HOXB2: variants seen among roughly 807,000 people sequenced by gnomAD.
HOXB2 encodes homeobox B2, also known as homeobox protein Hox-B2.
A neutral mutation model predicts 13.1 loss-of-function variants in HOXB2; 14 were observed. That is an observed-to-expected ratio of 1.07 (90% CI 0.71 to 1.67). HOXB2 has a LOEUF of 1.67. HOXB2 is among the 40% of genes most tolerant of loss of function. The probability of loss-of-function intolerance (pLI) is 0.00; values close to 1 mark genes in which losing one functional copy is unlikely to be tolerated. For missense variants in HOXB2, 582 were observed against 488.3 expected (o/e 1.19, Z -1.81); for synonymous variants, 261 against 233.1 (o/e 1.12, Z -1.09).
chr17:48,543,764 C>G lies in HOXB2; in HGVS notation c.392-17G>C. The stretch of plus-strand genomic sequence containing the variant: ...CCAGGCCATCTGCAGGGAAAACAGG[C>G]TCGGCGTCATAGCGGGCCGTGTACT... On this transcript the variant is annotated splice_polypyrimidine_tract_variant and intron_variant, in intron 1 of 1. Transcript: ENST00000330070. The G allele has an allele frequency of 6.3e-7, 1 of 1,576,172 alleles. No homozygotes were observed. Among genetic ancestry groups the G allele is most frequent in the East Asian group, 2.2e-5 (1 of 44,486 alleles).
Position 48,543,518 on chromosome 17 carries a change from C to G in HOXB2, c.621G>C (p.Pro207=). Reference sequence around the variant, plus strand: ...CCGGGCAGGCAGGCTCCCCATCCGGCGGCTCTCGGTGCTGCGTCTGCCGCT... The same window carrying G: ...CCGGGCAGGCAGGCTCCCCATCCGGGGGCTCTCGGTGCTGCGTCTGCCGCT... The part of the protein sequence containing the change: ...KHKRQTQHRE[P]PDGEPACPGA... Residue 207 remains proline, a synonymous_variant, in exon 2 of 2, where the codon CCG becomes CCC. Coordinates refer to ENST00000330070, the MANE Select transcript of HOXB2 (RefSeq NM_002145.4). 1.2e-6 allele frequency: 2 copies of G among 1,612,810 alleles called. No individual in the cohort carries two copies. Among genetic ancestry groups the G allele is most frequent in the Non-Finnish European group, 1.7e-6 (2 of 1,179,942 alleles).
Position 48,543,708 on chromosome 17 carries a change from C to G in HOXB2, c.431G>C (p.Arg144Pro), listed in dbSNP as rs772605628. The G allele has an allele frequency of 1.2e-6, 2 of 1,607,508 alleles. No homozygotes were observed. The highest frequency in any genetic ancestry group is 2.2e-5 in the East Asian group (1 of 44,746). Residue 144 changes from arginine (R) to proline (P), a missense_variant, in exon 2 of 2, where the codon CGC becomes CCC. Arg to Pro is a moderately radical substitution (Grantham distance 103). Transcript: ENST00000330070. ...GLPEAGGGGA[R>P]RLRTAYTNTQ... ...GTTGGTGTAAGCCGTGCGCAGCCTGCGCGCCCCGCCGCCACCAGCCTCCGG... is the reference window on the plus strand; with the variant it reads ...GTTGGTGTAAGCCGTGCGCAGCCTGGGCGCCCCGCCGCCACCAGCCTCCGG...
At position 48,544,948 on chromosome 17, in the gene HOXB2, GC is replaced by G; in HGVS notation, c.-38del. On this transcript the variant is annotated 5_prime_UTR_variant, in exon 1 of 2. Coordinates refer to ENST00000330070, the MANE Select transcript of HOXB2 (RefSeq NM_002145.4). ...GTGGGGGAGGGGGCTGCTGGGGGGG[GC>G]GTCAGGAGGGAGGATCGGAAGGGAC... 3 of 1,051,216 alleles carry G rather than the reference GC, an allele frequency of 2.9e-6. No homozygotes were observed. Among genetic ancestry groups the G allele is most frequent in the Non-Finnish European group, 2.7e-6 (2 of 749,884 alleles). 65.1% of individuals were successfully genotyped at this position (1,051,216 alleles called of 1,614,324 possible). A position where few individuals can be genotyped will look rare whatever the true frequency, so the allele number is the denominator to read the frequency against.
At chr17:48,544,108 C>T (rs2068540148) in intron 1 of HOXB2, 1 of 985,300 alleles carries the variant, frequency 1.0e-6, no homozygotes, top group East Asian at 1.1e-4. Context: ...TGTTCTTCAC[C>T]CCTCTTCCTC....
chr17:48,544,920 A>C lies in HOXB2; in HGVS notation c.-9T>G. On this transcript the variant is annotated 5_prime_UTR_variant, in exon 1 of 2. Coordinates refer to ENST00000330070, the MANE Select transcript of HOXB2 (RefSeq NM_002145.4). ...TCAAATTCAAAATTCATGGCTTTCA[A>C]TGGTGGGGGAGGGGGCTGCTGGGGG... 1.8e-6 allele frequency: 1 copy of C among 558,612 alleles called. No individual in the cohort carries two copies. Among genetic ancestry groups the C allele is most frequent in the Non-Finnish European group, 3.1e-6 (1 of 325,882 alleles). The allele number at this position is 558,612 out of a possible 1,614,324, so 34.6% of individuals were successfully genotyped here.
chr17:48,543,982 G>T, intron 1 of HOXB2: 1 of 1,293,482 alleles, frequency 7.7e-7, no homozygotes, highest in Non-Finnish European at 9.7e-7. Flanking sequence ...GGGCCACGCA[G>T]GGGGCGGAGA....
In HOXB2 at chr17:48,543,309, C is replaced by T. The variant is rs2068522088; in HGVS notation, c.830G>A (p.Cys277Tyr). The T allele has an allele frequency of 1.2e-6, 2 of 1,601,714 alleles. No individual in the cohort carries two copies. The highest frequency in any genetic ancestry group is 8.5e-7 in the Non-Finnish European group (1 of 1,177,944). ...CAGCCCGCCGGCCCCGCGCAGCGCG[C>T]AGCCGGGACTCGACGCGCCTGCGCC... The part of the protein sequence containing the change: ...LEGAGASSPG[C>Y]ALRGAGGLEP... The change falls in exon 2 of 2, where the codon TGC becomes TAC. Residue 277 changes from cysteine (C) to tyrosine (Y), a missense_variant. By Grantham distance (194) the Cys-to-Tyr change is radical. Coordinates refer to ENST00000330070, the MANE Select transcript of HOXB2 (RefSeq NM_002145.4).
In HOXB2 at chr17:48,543,742, G is replaced by A. The variant is rs756180472; in HGVS notation, c.397C>T (p.Leu133=). Residue 133 remains leucine, a synonymous_variant, in exon 2 of 2, where the codon CTG becomes TTG. Transcript: ENST00000330070. ...CCGCCACCAGCCTCCGGCAGTCCCA[G>A]GCCATCTGCAGGGAAAACAGGCTCG... is the stretch of plus-strand genomic sequence containing the variant. ...ASGVGSPADG[L]GLPEAGGGGA... 6.9e-6 allele frequency: 11 copies of A among 1,597,618 alleles called. 1 individual carries two copies. The South Asian group carries it at 1.2e-4, about 18-fold the overall frequency.
At chr17:48,544,036 C>T (rs929948869) in intron 1 of HOXB2, 3 of 1,259,302 alleles carry the variant, frequency 2.4e-6, no homozygotes, top group South Asian at 3.0e-5. Context: ...CCTCCCAAGC[C>T]CTCCCAGTGG....
chr17:48,544,847 AGACACTCGGCGAGC>A lies in HOXB2; in HGVS notation c.51_64del (p.Leu18AspfsTer143), dbSNP rs1428647301. 3 of 1,613,082 alleles carry A rather than the reference AGACACTCGGCGAGC, an allele frequency of 1.9e-6. No individual in the cohort carries two copies. Among genetic ancestry groups the A allele is most frequent in the Non-Finnish European group, 2.5e-6 (3 of 1,179,790 alleles). On this transcript the variant is annotated frameshift_variant, in exon 1 of 2. Transcript: ENST00000330070. LOFTEE classifies it high-confidence loss of function. ...CTCCAAGACAGCGGGGAAGGAAGTC[AGACACTCGGCGAGC>A]GACGGCTGGCTGTTTATAAACCCAA...
chr17:48,542,929 T>G lies in HOXB2; in HGVS notation c.*139A>C. The stretch of plus-strand genomic sequence containing the variant: ...TATTTTAGAAGAAGAAGAAAGGGAG[T>G]GGATTAAACGCTAATTCAGTAATAC... On this transcript the variant is annotated 3_prime_UTR_variant, in exon 2 of 2. Coordinates refer to ENST00000330070, the MANE Select transcript of HOXB2 (RefSeq NM_002145.4). 3.8e-6 allele frequency: 2 copies of G among 523,580 alleles called. No homozygotes were observed. Among genetic ancestry groups the G allele is most frequent in the South Asian group, 5.2e-5 (1 of 19,276 alleles). The allele number at this position is 523,580 out of a possible 1,614,324, so 32.4% of individuals were successfully genotyped here.
chr17:48,544,938 G>T lies in HOXB2; in HGVS notation c.-27C>A, dbSNP rs1598739768. 3.6e-6 allele frequency: 5 copies of T among 1,373,934 alleles called. No homozygotes were observed. The highest frequency in any genetic ancestry group is 2.6e-5 in the East Asian group (1 of 38,416). The allele number at this position is 1,373,934 out of a possible 1,614,324, so 85.1% of individuals were successfully genotyped here. A position where few individuals can be genotyped will look rare whatever the true frequency, so the allele number is the denominator to read the frequency against. ...GCTTTCAATGGTGGGGGAGGGGGCT[G>T]CTGGGGGGGGCGTCAGGAGGGAGGA... On this transcript the variant is annotated 5_prime_UTR_variant, in exon 1 of 2. Transcript: ENST00000330070.
At position 48,544,989 on chromosome 17, in the gene HOXB2, C is replaced by CG. The variant is rs2068556084; in HGVS notation, c.-79_-78insC. On this transcript the variant is annotated 5_prime_UTR_variant, in exon 1 of 2. Transcript: ENST00000330070. ...TCGGAAGGGACCCCCCTCCTGCACC[C>CG]CCCCCGATTTATGTAATGGAGCGAT... is the stretch of plus-strand genomic sequence containing the variant. The CG allele has an allele frequency of 1.5e-6, 2 of 1,365,778 alleles. No homozygotes were observed. Among genetic ancestry groups the CG allele is most frequent in the Non-Finnish European group, 2.0e-6 (2 of 1,020,842 alleles). The allele number at this position is 1,365,778 out of a possible 1,614,324, so 84.6% of individuals were successfully genotyped here.
At chr17:48,544,034 G>C in intron 1 of HOXB2, 2 of 1,243,382 alleles carry the variant, frequency 1.6e-6, no homozygotes, top group Non-Finnish European at 2.0e-6. Context: ...CCCCTCCCAA[G>C]CCCTCCCAGT....
rs75707566 is a variant in HOXB2 at position 48,542,686 on chromosome 17, A to G, written c.*382T>C. 446 of 158,192 alleles carry G rather than the reference A, an allele frequency of 2.8e-3. 1 individual carries two copies. Among genetic ancestry groups the G allele is most frequent in the African/African-American group, 0.01 (431 of 41,842 alleles). The allele number at this position is 158,192 out of a possible 1,614,324, so 9.8% of individuals were successfully genotyped here. On this transcript the variant is annotated 3_prime_UTR_variant, in exon 2 of 2. Coordinates refer to ENST00000330070, the MANE Select transcript of HOXB2 (RefSeq NM_002145.4). ...TATTATAAAGACATTTATTTAATCT[A>G]TGAAAATAATGTACAATAAATACTT...
Position 48,542,791 on chromosome 17 carries a change from A to C in HOXB2, c.*277T>G. On this transcript the variant is annotated 3_prime_UTR_variant, in exon 2 of 2. Transcript: ENST00000330070. Reference sequence around the variant, plus strand: ...AAAAAAGAGGAAAATAGGTCCCTCTAGTTATTTTTAAGAAAGTCCCCCTAG... The same window carrying C: ...AAAAAAGAGGAAAATAGGTCCCTCTCGTTATTTTTAAGAAAGTCCCCCTAG... The C allele has an allele frequency of 3.2e-6, 1 of 317,252 alleles. No homozygotes were observed. The highest frequency in any genetic ancestry group is 5.7e-6 in the Non-Finnish European group (1 of 176,000). The allele number at this position is 317,252 out of a possible 1,614,324, so 19.7% of individuals were successfully genotyped here.
Position 48,544,940 on chromosome 17 carries a change from T to TGGGGGGGGGGGGGGGGG in HOXB2, c.-30_-29insCCCCCCCCCCCCCCCCC. 3 of 271,672 alleles carry TGGGGGGGGGGGGGGGGG rather than the reference T, an allele frequency of 1.1e-5. No homozygotes were observed. The highest frequency in any genetic ancestry group is 6.3e-5 in the East Asian group (1 of 15,968). The allele number at this position is 271,672 out of a possible 1,614,324, so 16.8% of individuals were successfully genotyped here. Reference sequence around the variant, plus strand: ...TTTCAATGGTGGGGGAGGGGGCTGCTGGGGGGGGCGTCAGGAGGGAGGATC... The same window carrying TGGGGGGGGGGGGGGGGG: ...TTTCAATGGTGGGGGAGGGGGCTGCTGGGGGGGGGGGGGGGGGGGGGGGGGCGTCAGGAGGGAGGATC... On this transcript the variant is annotated 5_prime_UTR_variant, in exon 1 of 2. Transcript: ENST00000330070.
In HOXB2 at chr17:48,544,948, G is replaced by GGGGGGGC; in HGVS notation, c.-38_-37insGCCCCCC. 1.1e-5 allele frequency: 12 copies of GGGGGGGC among 1,051,192 alleles called. No homozygotes were observed. The highest frequency in any genetic ancestry group is 1.8e-5 in the African/African-American group (1 of 54,386). 65.1% of individuals were successfully genotyped at this position (1,051,192 alleles called of 1,614,324 possible). A position where few individuals can be genotyped will look rare whatever the true frequency, so the allele number is the denominator to read the frequency against. ...GTGGGGGAGGGGGCTGCTGGGGGGG[G>GGGGGGGC]CGTCAGGAGGGAGGATCGGAAGGGA... On this transcript the variant is annotated 5_prime_UTR_variant, in exon 1 of 2. Transcript: ENST00000330070.
chr17:48,543,355 G>C lies in HOXB2; in HGVS notation c.784C>G (p.Pro262Ala), dbSNP rs1456348375. Reference protein sequence around the residue: ...VPGALSADPRPLAVRLEGAGA... With the variant: ...VPGALSADPRALAVRLEGAGA... ...GCGCCCTCTAAGCGAACGGCTAAAG[G>C]CCGGGGGTCCGCGCTTAAGGCCCCC... The change falls in exon 2 of 2, where the codon CCT becomes GCT. Residue 262 changes from proline (P) to alanine (A), a missense_variant. Physicochemically the swap from Pro to Ala is conservative, Grantham distance 27. Coordinates refer to ENST00000330070, the MANE Select transcript of HOXB2 (RefSeq NM_002145.4). 6.3e-7 allele frequency: 1 copy of C among 1,595,144 alleles called. No individual in the cohort carries two copies. The highest frequency in any genetic ancestry group is 8.5e-7 in the Non-Finnish European group (1 of 1,174,850).
Sources: allele counts gnomAD v4.1 joint callset, GRCh38; gene constraint gnomAD v4.1.1; transcripts MANE v1.5; gene names NCBI Gene and HGNC (gene_info 2026-07-23, HGNC 2026-07-21).